RIT2: variants seen among roughly 807,000 people sequenced by gnomAD.
The protein encoded by RIT2 is Ras like without CAAX 2, also known as GTP-binding protein Rit2.
Under a neutral mutation model 23.7 loss-of-function variants are expected in RIT2, and 24 were observed. The ratio of observed to expected loss-of-function variants is 1.01; its 90% CI spans 0.73 to 1.43. The LOEUF is 1.43. RIT2 is among the 40% of genes most tolerant of loss of function. The probability of loss-of-function intolerance (pLI) is 0.00; values close to 1 mark genes in which losing one functional copy is unlikely to be tolerated. For missense variants in RIT2, 236 were observed against 266.9 expected (o/e 0.88, Z 0.81); for synonymous variants, 107 against 91.1 (o/e 1.17, Z -0.99).
At chr18:43,089,799 T>C (rs1271953645) in intron 1 of RIT2, among the ~76,000 whole-genome samples, 3 of 152,050 alleles carry the variant, frequency 2.0e-5, no homozygotes, top group Non-Finnish European at 2.9e-5. Context: ...AAGGATTCCC[T>C]ACTCAATAAA....
At chr18:43,004,654 A>C (rs1911187365) in intron 2 of RIT2, among the ~76,000 whole-genome samples, 1 of 151,734 alleles carries the variant, frequency 6.6e-6, no homozygotes, top group South Asian at 2.1e-4. Flanking sequence ...ATGACCTTGT[A>C]CCACCTCTGC....
chr18:43,112,137 A>C (rs1046578765), intron 1 of RIT2, among the ~76,000 whole-genome samples: 1 of 152,194 alleles, frequency 6.6e-6, no homozygotes, highest in Non-Finnish European at 1.5e-5. Context: ...GACCTAGGAA[A>C]TGCATTATCA....
intron 4 of RIT2, among the ~76,000 whole-genome samples, chr18:42,807,065 C>A (rs929292555): frequency 2.0e-5 from 3 of 152,154 alleles, no homozygotes; most frequent in African/African-American, 7.2e-5. Flanking sequence ...TATTTTCTTT[C>A]TTTCTTGTCT....
chr18:42,883,193 G>A (rs1053229863), intron 4 of RIT2, among the ~76,000 whole-genome samples: 1 of 151,918 alleles, frequency 6.6e-6, no homozygotes, highest in Non-Finnish European at 1.5e-5. Flanking sequence ...AGGCAGACCT[G>A]GTGTGCTAGC....
chr18:43,087,559 C>A (rs962542257), intron 1 of RIT2, among the ~76,000 whole-genome samples: 10 of 152,080 alleles, frequency 6.6e-5, no homozygotes, highest in South Asian at 2.1e-4. Context: ...GTGTGATTTC[C>A]TTCTCTCTGG....
Position 43,025,236 on chromosome 18 carries a change from A to G in RIT2, c.160+8575T>C, listed in dbSNP as rs577353236. 2.1e-5 allele frequency among the ~76,000 whole-genome samples: 3 copies of G among 145,210 alleles called. No individual in the cohort carries two copies. The East Asian group carries it at 7.3e-4, about 35-fold the overall frequency. ...AAAAACAAAACAAAACAAAAAAAAA[A>G]CAAAAAAAAAAACAGGCAGCAAATA... On this transcript the variant is annotated intron_variant, in intron 2 of 4. Coordinates refer to ENST00000326695, the MANE Select transcript of RIT2 (RefSeq NM_002930.4).
intron 3 of RIT2, 97 bp downstream of exon 3, chr18:42,973,977 G>A: frequency 1.4e-6 from 1 of 723,092 alleles, no homozygotes; most frequent in Non-Finnish European, 2.3e-6. Context: ...TTCTTCTTCT[G>A]CTTGAATAAA....
intron 2 of RIT2, among the ~76,000 whole-genome samples, chr18:43,016,156 A>G (rs1911469650): frequency 6.6e-6 from 1 of 151,922 alleles, no homozygotes; most frequent in Admixed American, 6.6e-5. Context: ...GTAAGCATGA[A>G]GATGCATCAA....
At chr18:42,751,134 G>A (rs1334420841) in intron 4 of RIT2, among the ~76,000 whole-genome samples, 1 of 151,802 alleles carries the variant, frequency 6.6e-6, no homozygotes, top group Non-Finnish European at 1.5e-5. Context: ...CCAAATCAGT[G>A]GAGAAATGAA....
intron 4 of RIT2, among the ~76,000 whole-genome samples, chr18:42,862,983 A>G (rs556007142): frequency 6.6e-6 from 1 of 151,914 alleles, no homozygotes; most frequent in East Asian, 1.9e-4. Context: ...GTTGATACTT[A>G]GAAACTTTGA....
chr18:43,049,439 CA>C (rs1273914960), intron 1 of RIT2, among the ~76,000 whole-genome samples: 19 of 152,092 alleles, frequency 1.2e-4, no homozygotes, highest in African/African-American at 4.3e-4. Context: ...ATTTAATCAA[CA>C]AACAACTGCA....
intron 4 of RIT2, among the ~76,000 whole-genome samples, chr18:42,767,560 A>G (rs1418452209): frequency 1.3e-5 from 2 of 152,084 alleles, no homozygotes; most frequent in Non-Finnish European, 2.9e-5. Flanking sequence ...GAGACTTCGG[A>G]TAGTGGACTT....
intron 4 of RIT2, among the ~76,000 whole-genome samples, chr18:42,771,553 G>T (rs543452351): frequency 6.6e-6 from 1 of 151,956 alleles, no homozygotes; most frequent in African/African-American, 2.4e-5. Context: ...CTCAGAATTT[G>T]GTATTACTAT....
At chr18:42,998,210 A>G (rs1212222637) in intron 2 of RIT2, among the ~76,000 whole-genome samples, 1 of 152,096 alleles carries the variant, frequency 6.6e-6, no homozygotes, top group Non-Finnish European at 1.5e-5. Flanking sequence ...AGTGCTGCCC[A>G]GTAGCTTTAA....
intron 1 of RIT2, among the ~76,000 whole-genome samples, chr18:43,076,618 G>T (rs1568074975): frequency 1.3e-5 from 2 of 152,266 alleles, no homozygotes; most frequent in East Asian, 3.9e-4. Context: ...AGGGTGGGAA[G>T]TTGCCAGATG....
intron 2 of RIT2, among the ~76,000 whole-genome samples, chr18:42,976,305 A>G (rs1016526478): frequency 1.8e-4 from 27 of 152,126 alleles, no homozygotes; most frequent in African/African-American, 6.3e-4. Context: ...TGTTGAAAAG[A>G]GTATGGAACA....
At chr18:42,999,809 C>T (rs911993864) in intron 2 of RIT2, among the ~76,000 whole-genome samples, 3 of 151,916 alleles carry the variant, frequency 2.0e-5, no homozygotes, top group African/African-American at 7.3e-5. Context: ...GGTTGTAATG[C>T]CGAAGAATGG....
intron 3 of RIT2, among the ~76,000 whole-genome samples, chr18:42,951,299 C>G (rs1909846430): frequency 6.6e-6 from 1 of 151,964 alleles, no homozygotes; most frequent in African/African-American, 2.4e-5. Flanking sequence ...CAGCTGGAGG[C>G]CATTATCCTA....
chr18:42,778,116 C>G (rs1259457915), intron 4 of RIT2, among the ~76,000 whole-genome samples: 1 of 138,944 alleles, frequency 7.2e-6, no homozygotes, highest in Non-Finnish European at 1.6e-5. Context: ...GCTTTTAGAG[C>G]AAAGGCACAG....
Sources: allele counts gnomAD v4.1 joint callset (sites outside exome capture counted in the v4.1 genomes callset), GRCh38; gene constraint gnomAD v4.1.1; transcripts MANE v1.5; gene names NCBI Gene and HGNC (gene_info 2026-07-23, HGNC 2026-07-21).